Variants in PTPRE observed in about 807,000 individuals in gnomAD.
PTPRE encodes the protein protein tyrosine phosphatase receptor type E, also known as receptor-type tyrosine-protein phosphatase epsilon.
A neutral mutation model predicts 102.0 loss-of-function variants in PTPRE; 51 were observed. That is an observed-to-expected ratio of 0.50 (90% confidence interval 0.40 to 0.63). The LOEUF (loss-of-function observed/expected upper bound fraction) is 0.63, where lower values mean the gene tolerates loss of function less well. Among genes scored for constraint, PTPRE ranks in the 30% least tolerant of loss-of-function variants. The pLI is 0.00. For missense variants in PTPRE, 752 were observed against 915.1 expected (o/e 0.82, Z 2.30); for synonymous variants, 345 against 348.2 (o/e 0.99, Z 0.10).
At chr10:127,922,779 C>T (rs906266204) in intron 1 of PTPRE, among the ~76,000 whole-genome samples, 2 of 152,242 alleles carry the variant, frequency 1.3e-5, no homozygotes, top group Non-Finnish European at 1.5e-5. Context: ...CCAGGCACAG[C>T]GGCTTCTGTC....
chr10:128,066,501 G>A (rs1850106284), intron 11 of PTPRE, among the ~76,000 whole-genome samples: 2 of 152,210 alleles, frequency 1.3e-5, no homozygotes, highest in African/African-American at 4.8e-5. Context: ...TCCCTCAGTA[G>A]CACAGTGACA....
At chr10:127,972,894 C>A (rs1187549932) in intron 1 of PTPRE, among the ~76,000 whole-genome samples, 3 of 152,228 alleles carry the variant, frequency 2.0e-5, no homozygotes, top group Admixed American at 6.5e-5. Context: ...CCACATCACA[C>A]AGAGGCCTGG....
chr10:127,987,561 T>A (rs1160146722), intron 2 of PTPRE, among the ~76,000 whole-genome samples: 1 of 152,202 alleles, frequency 6.6e-6, no homozygotes, highest in Non-Finnish European at 1.5e-5. Context: ...TCCAGCTCTG[T>A]GCAGGAAATC....
rs529909039 is a variant in PTPRE, at chr10:127,965,419, G to C, written c.-30-16855G>C. Among the ~76,000 whole-genome samples, 9 of 152,148 alleles carry C rather than the reference G, an allele frequency of 5.9e-5. No individual in the cohort carries two copies. In the East Asian group the frequency reaches 1.7e-3, roughly 29 times the overall value. On this transcript the variant is annotated intron_variant, in intron 1 of 20. Transcript: ENST00000254667. ...ATCCCATATACATCCATTCCACCTGGAGTTTGGGGGTTTTGTTATAAGCCA... is the reference window on the plus strand; with the variant it reads ...ATCCCATATACATCCATTCCACCTGCAGTTTGGGGGTTTTGTTATAAGCCA...
At chr10:128,024,146 C>A (rs541171449) in intron 2 of PTPRE, among the ~76,000 whole-genome samples, 10 of 152,298 alleles carry the variant, frequency 6.6e-5, no homozygotes, top group African/African-American at 2.4e-4. Flanking sequence ...TTTTATGTGA[C>A]CCCCATTCAG....
chr10:127,923,401 T>TA (rs1846756528), intron 1 of PTPRE, among the ~76,000 whole-genome samples: 1 of 144,736 alleles, frequency 6.9e-6, no homozygotes, highest in Non-Finnish European at 1.5e-5. Context: ...AGTTTGAATT[T>TA]TTTTTTTTTT....
intron 2 of PTPRE, among the ~76,000 whole-genome samples, chr10:127,995,823 G>GCACACACA (rs143328396): frequency 0.011 from 1,649 of 148,320 alleles, 19 homozygotes; most frequent in Middle Eastern, 0.038. Flanking sequence ...CTCTACACGA[G>GCACACACA]CACACACACA....
intron 2 of PTPRE, among the ~76,000 whole-genome samples, chr10:128,032,548 A>G (rs1450800308): frequency 1.3e-5 from 2 of 152,198 alleles, no homozygotes; most frequent in East Asian, 1.9e-4. Context: ...CTTACCTTTC[A>G]AGGACAACAG....
At chr10:128,000,219 G>C (rs1853727781) in intron 2 of PTPRE, among the ~76,000 whole-genome samples, 1 of 152,090 alleles carries the variant, frequency 6.6e-6, no homozygotes, top group African/African-American at 2.4e-5. Context: ...ATGATTTTCT[G>C]CCTGTTTTAT....
At chr10:127,969,682 A>AAG (rs1554903552) in intron 1 of PTPRE, among the ~76,000 whole-genome samples, 4 of 139,122 alleles carry the variant, frequency 2.9e-5, no homozygotes, top group East Asian at 2.1e-4. Flanking sequence ...AAAAAAAAAA[A>AAG]GGGGGGCGGG....
intron 10 of PTPRE, among the ~76,000 whole-genome samples, chr10:128,064,324 G>C (rs140358865): frequency 6.6e-6 from 1 of 152,260 alleles, no homozygotes; most frequent in African/African-American, 2.4e-5. Context: ...GCTCTGGGGG[G>C]AGCTGAAACA....
chr10:128,027,034 A>G (rs182201770), intron 2 of PTPRE, among the ~76,000 whole-genome samples: 1 of 152,330 alleles, frequency 6.6e-6, no homozygotes, highest in East Asian at 1.9e-4. Context: ...CAGGTGCAGT[A>G]TTAGATACAG....
chr10:127,978,169 A>G (rs1851335676), intron 1 of PTPRE, among the ~76,000 whole-genome samples: 1 of 152,192 alleles, frequency 6.6e-6, no homozygotes, highest in African/African-American at 2.4e-5. Context: ...CCATTCCTAC[A>G]CTAAAGGAAT....
chr10:127,917,509 G>A (rs1024934980), intron 1 of PTPRE, among the ~76,000 whole-genome samples: 1 of 152,076 alleles, frequency 6.6e-6, no homozygotes, highest in East Asian at 1.9e-4. Context: ...TAGTGATACT[G>A]TCTCTAAAAA....
intron 2 of PTPRE, chr10:127,987,222 CT>C (rs1267933877): frequency 1.3e-6 from 1 of 786,644 alleles, no homozygotes; most frequent in Non-Finnish European, 1.6e-6. Context: ...ACAGTTTCCC[CT>C]AAGAGGAAAT....
intron 1 of PTPRE, among the ~76,000 whole-genome samples, chr10:127,933,251 C>T (rs2135248501): frequency 6.6e-6 from 1 of 152,302 alleles, no homozygotes; most frequent in African/African-American, 2.4e-5. Context: ...CTGCCTACCA[C>T]CCCCTCCATA....
chr10:128,051,000 C>G (rs1848523337), intron 6 of PTPRE, among the ~76,000 whole-genome samples: 2 of 152,128 alleles, frequency 1.3e-5, no homozygotes, highest in African/African-American at 4.8e-5. Flanking sequence ...CAAATGTGTC[C>G]CCTTTTTTGG....
At chr10:127,984,589 C>A (rs1851925352) in intron 2 of PTPRE, among the ~76,000 whole-genome samples, 2 of 152,186 alleles carry the variant, frequency 1.3e-5, no homozygotes, top group African/African-American at 4.8e-5. Context: ...TGTGTCCCCA[C>A]CCAAATCTCA....
chr10:128,074,848 C>T (rs866517535), intron 17 of PTPRE, among the ~76,000 whole-genome samples: 5 of 152,124 alleles, frequency 3.3e-5, no homozygotes, highest in Admixed American at 6.5e-5. Context: ...AGACTGTTTT[C>T]CTCAGTAGCT....
Sources: gnomAD v4.1 joint callset for allele counts (sites outside exome capture counted in the v4.1 genomes callset) on GRCh38, gnomAD v4.1.1 for gene constraint, MANE v1.5 for transcripts, NCBI Gene and HGNC (gene_info 2026-07-23, HGNC 2026-07-21) for gene names.